The following TRABD2B variants were observed in gnomAD, a reference collection of about 807,000 sequenced individuals.
TRABD2B encodes metalloprotease TIKI2.
TRABD2B carries 14 observed loss-of-function variants against 40.1 expected under a neutral mutation model. That is an observed-to-expected ratio of 0.35 (90% CI 0.23 to 0.55). The LOEUF is 0.55. Ranked by LOEUF, TRABD2B falls within the 20% of genes least tolerant of loss-of-function variation. TRABD2B has a pLI of 0.90. For missense variants in TRABD2B, 541 were observed against 648.6 expected, an observed-to-expected ratio of 0.83 and a Z score of 1.80; for synonymous variants, 263 against 277.0, an observed-to-expected ratio of 0.95 and a Z score of 0.50.
chr1:47,876,257 A>G (rs1287772479), intron 2 of TRABD2B, among the ~76,000 whole-genome samples: 1 of 152,178 alleles, frequency 6.6e-6, no homozygotes, highest in East Asian at 1.9e-4. Context: ...GCTGAGAAAA[A>G]TCAAATCAAA....
chr1:47,855,969 G>A (rs1377031043), intron 2 of TRABD2B, among the ~76,000 whole-genome samples: 1 of 152,232 alleles, frequency 6.6e-6, no homozygotes, highest in African/African-American at 2.4e-5. Context: ...AGTGGATGAG[G>A]GCGCTTGCAG....
chr1:47,905,689 T>G (rs1289156932), intron 2 of TRABD2B, among the ~76,000 whole-genome samples: 2 of 152,204 alleles, frequency 1.3e-5, no homozygotes, highest in Non-Finnish European at 2.9e-5. Context: ...TCTATCTCTC[T>G]GCCTCCTTCT....
At chr1:47,842,822 G>T (rs368359547) in intron 2 of TRABD2B, among the ~76,000 whole-genome samples, 120 of 152,276 alleles carry the variant, frequency 7.9e-4, no homozygotes, top group African/African-American at 2.4e-3. Flanking sequence ...GTGGATACTT[G>T]GTGTGTAGGG....
chr1:47,761,755 C>G lies in TRABD2B; in HGVS notation c.*4147G>C, dbSNP rs1272085613. 1 of 152,280 alleles carries G rather than the reference C, an allele frequency of 6.6e-6. No individual in the cohort carries two copies. The highest frequency in any genetic ancestry group is 1.5e-5 in the Non-Finnish European group (1 of 68,088). 9.4% of individuals were successfully genotyped at this position (152,280 alleles called of 1,614,324 possible). ...CCTCTCCCGATGGGAAACCTGCCAC[C>G]CTTGGGGGCTCCGGGCCATCCCCAG... is the stretch of plus-strand genomic sequence containing the variant. On this transcript the variant is annotated 3_prime_UTR_variant, in exon 7 of 7. Coordinates refer to ENST00000606738, the MANE Select transcript of TRABD2B (RefSeq NM_001194986.2).
chr1:47,887,883 G>C (rs1262064123), intron 2 of TRABD2B, among the ~76,000 whole-genome samples: 1 of 152,162 alleles, frequency 6.6e-6, no homozygotes, highest in Non-Finnish European at 1.5e-5. Flanking sequence ...GGATCTCTCT[G>C]ACAACCCTGA....
intron 2 of TRABD2B, among the ~76,000 whole-genome samples, chr1:47,980,616 C>T (rs1645827785): frequency 6.6e-6 from 1 of 152,194 alleles, no homozygotes; most frequent in Non-Finnish European, 1.5e-5. Context: ...CACATTTCCC[C>T]TTTCCCTGCC....
intron 2 of TRABD2B, among the ~76,000 whole-genome samples, chr1:47,954,127 C>T (rs1645385118): frequency 6.6e-6 from 1 of 152,154 alleles, no homozygotes; most frequent in African/African-American, 2.4e-5. Context: ...GTGAGGGTCA[C>T]TACAGATTCA....
In TRABD2B at chr1:47,763,387, G is replaced by A. The variant is rs1254413742; in HGVS notation, c.*2515C>T. ...ATCTTTCTTTAAACACTTGAATTAGGGTAAGGGAGAGTTTAGGATCCCCTA... is the reference window on the plus strand; with the variant it reads ...ATCTTTCTTTAAACACTTGAATTAGAGTAAGGGAGAGTTTAGGATCCCCTA... On this transcript the variant is annotated 3_prime_UTR_variant, in exon 7 of 7. Transcript: ENST00000606738. 2 of 152,128 alleles carry A rather than the reference G, an allele frequency of 1.3e-5. No individual in the cohort carries two copies. The highest frequency in any genetic ancestry group is 1.9e-4 in the East Asian group (1 of 5,186). 9.4% of individuals were successfully genotyped at this position (152,128 alleles called of 1,614,324 possible).
intron 2 of TRABD2B, among the ~76,000 whole-genome samples, chr1:47,975,802 C>G (rs1645747456): frequency 6.6e-6 from 1 of 152,102 alleles, no homozygotes; most frequent in Non-Finnish European, 1.5e-5. Flanking sequence ...TCAGAGAAAA[C>G]TGATCATGGA....
intron 2 of TRABD2B, among the ~76,000 whole-genome samples, chr1:47,951,452 G>A (rs1645342920): frequency 6.6e-6 from 1 of 152,216 alleles, no homozygotes; most frequent in Non-Finnish European, 1.5e-5. Context: ...GCCTAGAACA[G>A]ACTGGATGCC....
chr1:47,918,934 A>G (rs1557657106), intron 2 of TRABD2B, among the ~76,000 whole-genome samples: 1 of 152,192 alleles, frequency 6.6e-6, no homozygotes, highest in Non-Finnish European at 1.5e-5. Context: ...GAGCTAACAG[A>G]TGTTCCTTCC....
At position 47,763,305 on chromosome 1, in the gene TRABD2B, C is replaced by T. The variant is rs1644263816; in HGVS notation, c.*2597G>A. 1 of 152,224 alleles carries T rather than the reference C, an allele frequency of 6.6e-6. No individual in the cohort carries two copies. The highest frequency in any genetic ancestry group is 2.4e-5 in the African/African-American group (1 of 41,450). The allele number at this position is 152,224 out of a possible 1,614,324, so 9.4% of individuals were successfully genotyped here. ...GTGAACTTTGGCAACAGATGTCTGA[C>T]CACATTGGCTCTTGCTCTCCTGTAG... is the stretch of plus-strand genomic sequence containing the variant. On this transcript the variant is annotated 3_prime_UTR_variant, in exon 7 of 7. Coordinates refer to ENST00000606738, the MANE Select transcript of TRABD2B (RefSeq NM_001194986.2).
At chr1:47,796,843 C>T (rs1476976914) in intron 3 of TRABD2B, among the ~76,000 whole-genome samples, 2 of 152,236 alleles carry the variant, frequency 1.3e-5, no homozygotes, top group Non-Finnish European at 2.9e-5. Context: ...CATGCTTGAA[C>T]TTGATGCAGC....
intron 2 of TRABD2B, among the ~76,000 whole-genome samples, chr1:47,987,848 G>T (rs1645942274): frequency 6.6e-6 from 1 of 152,172 alleles, no homozygotes; most frequent in African/African-American, 2.4e-5. Context: ...AGCACAAGGT[G>T]AAGGTCGCGC....
chr1:47,974,392 T>G (rs1219725669), intron 2 of TRABD2B, among the ~76,000 whole-genome samples: 1 of 152,138 alleles, frequency 6.6e-6, no homozygotes, highest in Non-Finnish European at 1.5e-5. Context: ...TCCTTCTGGA[T>G]TCAGCTCTTA....
chr1:47,905,222 G>A (rs1349171743), intron 2 of TRABD2B, among the ~76,000 whole-genome samples: 1 of 152,256 alleles, frequency 6.6e-6, no homozygotes, highest in East Asian at 1.9e-4. Context: ...GAGGGGAGCA[G>A]GTTCTCAATA....
intron 2 of TRABD2B, among the ~76,000 whole-genome samples, chr1:47,977,320 C>A (rs1645770651): frequency 6.6e-6 from 1 of 152,202 alleles, no homozygotes. Context: ...GTGATCCCCA[C>A]TTTGGCTTCC....
intron 2 of TRABD2B, among the ~76,000 whole-genome samples, chr1:47,861,325 G>A (rs1280328275): frequency 6.6e-6 from 1 of 152,034 alleles, no homozygotes; most frequent in East Asian, 1.9e-4. Context: ...ATGAGTAGAG[G>A]CCGGGAATGT....
chr1:47,909,335 T>G (rs931921061), intron 2 of TRABD2B, among the ~76,000 whole-genome samples: 2 of 151,906 alleles, frequency 1.3e-5, no homozygotes, highest in African/African-American at 4.8e-5. Context: ...GGCCGCAGGC[T>G]GCTTCCACTC....
Sources: allele counts gnomAD v4.1 joint callset (sites outside exome capture counted in the v4.1 genomes callset), GRCh38; gene constraint gnomAD v4.1.1; transcripts MANE v1.5; gene names NCBI Gene and HGNC (gene_info 2026-07-23, HGNC 2026-07-21).